Variants in ENKUR observed in about 807,000 individuals in gnomAD.
The protein encoded by ENKUR is enkurin, TRPC channel interacting protein, also known as enkurin.
In ENKUR, 19 loss-of-function variants were observed where a neutral mutation model predicts 27.6. That is an observed-to-expected ratio of 0.69 (90% CI 0.48 to 1.01). ENKUR has a LOEUF of 1.01. Ranked by LOEUF, ENKUR falls within the 50% of genes least tolerant of loss-of-function variation. The pLI is 0.00. For synonymous variants in ENKUR, 117 were observed against 96.9 expected (o/e 1.21, Z -1.22); for missense variants, 312 against 310.5 (o/e 1.00, Z -0.04).
intron 2 of ENKUR, among the ~76,000 whole-genome samples, chr10:25,052,728 A>G (rs1385503103): frequency 6.6e-6 from 1 of 152,140 alleles, no homozygotes; most frequent in Admixed American, 6.6e-5. Context: ...AGCTATGATC[A>G]CACCACTGCA....
At chr10:24,988,256 ATATATATATTTATATATATGTG>A (rs942930257) in intron 4 of ENKUR, among the ~76,000 whole-genome samples, 35 of 139,540 alleles carry the variant, frequency 2.5e-4, no homozygotes, top group Middle Eastern at 3.7e-3. Context: ...ATATATGTGT[ATATATATATTTATATATATGTG>A]TATATATATT....
At chr10:24,998,355 CT>C (rs1850112385) in intron 2 of ENKUR, among the ~76,000 whole-genome samples, 1 of 104,704 alleles carries the variant, frequency 9.6e-6, no homozygotes, top group Non-Finnish European at 1.9e-5. Context: ...CCCTTCCTTC[CT>C]TCCTCTCTCT....
intron 2 of ENKUR, chr10:25,023,924 C>T (rs760153062): frequency 1.2e-6 from 2 of 1,614,146 alleles, no homozygotes; most frequent in Non-Finnish European, 8.5e-7. Context: ...TTCATTTCAA[C>T]AAGACACGTT....
At chr10:25,058,534 T>C (rs1240399522) in intron 2 of ENKUR, among the ~76,000 whole-genome samples, 1 of 152,132 alleles carries the variant, frequency 6.6e-6, no homozygotes, top group Non-Finnish European at 1.5e-5. Context: ...AGAGCAAAAA[T>C]TGGTTCTCAC....
At chr10:25,050,968 C>T (rs1851181703) in intron 2 of ENKUR, among the ~76,000 whole-genome samples, 1 of 152,194 alleles carries the variant, frequency 6.6e-6, no homozygotes, top group Non-Finnish European at 1.5e-5. Context: ...AAATTTGTTT[C>T]TAATTCATTC....
intron 2 of ENKUR, among the ~76,000 whole-genome samples, chr10:25,054,523 T>C (rs1310611248): frequency 4.8e-5 from 7 of 144,494 alleles, no homozygotes; most frequent in Non-Finnish European, 1.1e-4. Context: ...CCTTTCTTTC[T>C]TTCTTTCCTT....
chr10:25,036,034 G>T (rs531332487), intron 2 of ENKUR, among the ~76,000 whole-genome samples: 2 of 152,274 alleles, frequency 1.3e-5, no homozygotes, highest in East Asian at 3.9e-4. Context: ...TTAGAATATT[G>T]TGTGATAAAT....
chr10:25,040,232 C>T (rs2130469695), intron 2 of ENKUR, among the ~76,000 whole-genome samples: 1 of 152,148 alleles, frequency 6.6e-6, no homozygotes, highest in East Asian at 1.9e-4. Context: ...GCAAGGCCAG[C>T]TAGATTCAAG....
intron 1 of ENKUR, among the ~76,000 whole-genome samples, chr10:25,007,083 T>A (rs1216350117): frequency 2.0e-5 from 3 of 152,248 alleles, no homozygotes; most frequent in Non-Finnish European, 4.4e-5. Flanking sequence ...ATTTTACCTG[T>A]GTCCTGGCAG....
intron 2 of ENKUR, chr10:25,061,019 G>T: frequency 7.8e-7 from 1 of 1,276,636 alleles, no homozygotes. Context: ...TGGCCCTTAT[G>T]TTTCTTTAGA....
chr10:25,023,894 A>T, intron 2 of ENKUR: 1 of 1,614,204 alleles, frequency 6.2e-7, no homozygotes, highest in Non-Finnish European at 8.5e-7. Flanking sequence ...AAAAGATACC[A>T]AGATGTGGAC....
chr10:24,998,904 A>G (rs1454606920), intron 2 of ENKUR, among the ~76,000 whole-genome samples: 2 of 152,210 alleles, frequency 1.3e-5, no homozygotes, highest in African/African-American at 2.4e-5. Context: ...AGTCTCCTCC[A>G]TTACATCTAA....
intron 1 of ENKUR, among the ~76,000 whole-genome samples, chr10:25,010,906 C>T (rs1292790523): frequency 1.5e-4 from 23 of 148,832 alleles, no homozygotes; most frequent in South Asian, 4.3e-4. Flanking sequence ...AATAAACATA[C>T]GTGTGCATGT....
chr10:25,009,360 T>C (rs1486415161), intron 1 of ENKUR, among the ~76,000 whole-genome samples: 1 of 152,176 alleles, frequency 6.6e-6, no homozygotes, highest in Non-Finnish European at 1.5e-5. Context: ...GAAGCAATGA[T>C]TGCATAAGGC....
rs1256276499 is a variant in ENKUR at position 24,984,867 on chromosome 10, G to A, written c.633C>T (p.Phe211=). The change falls in exon 5 of 6, where the codon TTC becomes TTT. Residue 211 remains phenylalanine (F), a synonymous_variant. Coordinates refer to ENST00000331161, the MANE Select transcript of ENKUR (RefSeq NM_145010.4). ...KKNWEEVHKE[F]QSLSVFIDSI... Reference sequence around the variant, plus strand: ...AATCTATAAAGACCGAGAGGGACTGGAATTCTTTATGCACCTCTTCCCAGT... The same window carrying A: ...AATCTATAAAGACCGAGAGGGACTGAAATTCTTTATGCACCTCTTCCCAGT... The A allele has an allele frequency of 6.2e-7, 1 of 1,613,454 alleles. No homozygotes were observed. The highest frequency in any genetic ancestry group is 1.3e-5 in the African/African-American group (1 of 74,992).
At chr10:25,047,523 C>T (rs1161478308) in intron 2 of ENKUR, among the ~76,000 whole-genome samples, 1 of 152,186 alleles carries the variant, frequency 6.6e-6, no homozygotes, top group African/African-American at 2.4e-5. Flanking sequence ...AAAGTATTGA[C>T]AAATACATCT....
At position 25,025,379 on chromosome 10, in the gene ENKUR, A is replaced by T. The variant is rs760597981; in HGVS notation, c.38-29510T>A. 3 of 1,614,244 alleles carry T rather than the reference A, an allele frequency of 1.9e-6. No individual in the cohort carries two copies. The highest frequency in any genetic ancestry group is 4.5e-5 in the East Asian group (2 of 44,886). On this transcript the variant is annotated intron_variant, in intron 2 of 5. Transcript: ENST00000615958. ...AGAACAAAACAGCAAGAGAAGATGGAGTACCAGGTCTGTGCAGCTGATATG... is the reference window on the plus strand; with the variant it reads ...AGAACAAAACAGCAAGAGAAGATGGTGTACCAGGTCTGTGCAGCTGATATG...
At chr10:24,990,340 C>G (rs1209439635) in intron 4 of ENKUR, 123 bp downstream of exon 4, 4 of 1,304,422 alleles carry the variant, frequency 3.1e-6, no homozygotes, top group African/African-American at 3.0e-5. Context: ...TTAACTGTAA[C>G]CCAAAGAGAT....
At position 24,984,758 on chromosome 10, in the gene ENKUR, T is replaced by C. The variant is rs765883258; in HGVS notation, c.742A>G (p.Lys248Glu). ...TACTTATTGGCAATATAAATAATCT[T>C]GTGCTTTTCAATTATGCCAATGTCG... ...EHDIGIIEKH[K>E]IIYIANNA The change falls in exon 5 of 6, where the codon AAG (lysine) becomes GAG (glutamate). Residue 248 changes from lysine (K) to glutamate (E), a missense_variant. By Grantham distance (56) the Lys-to-Glu change is moderately conservative. Transcript: ENST00000331161. 1 of 1,612,366 alleles carries C rather than the reference T, an allele frequency of 6.2e-7. No individual in the cohort carries two copies. Among genetic ancestry groups the C allele is most frequent in the South Asian group, 1.1e-5 (1 of 90,200 alleles).
Sources: gnomAD v4.1 joint callset for allele counts (sites outside exome capture counted in the v4.1 genomes callset) on GRCh38, gnomAD v4.1.1 for gene constraint, MANE v1.5 for transcripts, NCBI Gene and HGNC (gene_info 2026-07-23, HGNC 2026-07-21) for gene names.